Variants in DIP2C observed in about 807,000 individuals in gnomAD.
The protein encoded by DIP2C is disco-interacting protein 2 homolog C.
A neutral mutation model predicts 192.4 loss-of-function variants in DIP2C; 33 were observed. That is an observed-to-expected ratio of 0.17 (90% CI 0.13 to 0.23). The LOEUF (loss-of-function observed/expected upper bound fraction) is 0.23. DIP2C is among the 10% of genes least tolerant of loss of function. The probability of loss-of-function intolerance (pLI) is 1.00; values close to 1 mark genes in which losing one functional copy is unlikely to be tolerated. For synonymous variants in DIP2C, 979 were observed against 864.1 expected (o/e 1.13, Z -2.33); for missense variants, 1,537 against 2,110.1 (o/e 0.73, Z 5.32).
At chr10:504,950 C>A (rs1287413897) in intron 1 of DIP2C, among the ~76,000 whole-genome samples, 2 of 152,174 alleles carry the variant, frequency 1.3e-5, no homozygotes, top group Non-Finnish European at 2.9e-5. Context: ...CATATGAGCT[C>A]ATGTGACTCT....
intron 1 of DIP2C, among the ~76,000 whole-genome samples, chr10:619,171 A>G (rs1312979532): frequency 2.0e-5 from 3 of 152,192 alleles, no homozygotes; most frequent in Admixed American, 1.3e-4. Flanking sequence ...CCGTCCCCCT[A>G]ACGCCACTGT....
chr10:590,540 C>T (rs1029599782), intron 1 of DIP2C, among the ~76,000 whole-genome samples: 3 of 152,206 alleles, frequency 2.0e-5, no homozygotes, highest in African/African-American at 7.2e-5. Flanking sequence ...ATCAACGATG[C>T]AGGTGCCAGC....
At chr10:414,739 G>GTGTGTGTGTGTGTGTGTATATATA in intron 7 of DIP2C, among the ~76,000 whole-genome samples, 1 of 90,508 alleles carries the variant, frequency 1.1e-5, no homozygotes, top group Admixed American at 1.2e-4. Context: ...GTGTGTGTGT[G>GTGTGTGTGTGTGTGTGTATATATA]TACATATATA....
intron 1 of DIP2C, among the ~76,000 whole-genome samples, chr10:670,707 T>C (rs1588736631): frequency 6.6e-6 from 1 of 152,188 alleles, no homozygotes; most frequent in Non-Finnish European, 1.5e-5. Context: ...ATAACTTCCT[T>C]TCAAGGGTCT....
At chr10:353,784 G>T (rs1481939604) in intron 24 of DIP2C, among the ~76,000 whole-genome samples, 1 of 152,228 alleles carries the variant, frequency 6.6e-6, no homozygotes, top group Non-Finnish European at 1.5e-5. Flanking sequence ...TGGGGGGCTG[G>T]TGTACGTGCT....
At chr10:355,413 CA>C (rs1283402651) in intron 24 of DIP2C, among the ~76,000 whole-genome samples, 4 of 152,226 alleles carry the variant, frequency 2.6e-5, no homozygotes, top group African/African-American at 9.6e-5. Flanking sequence ...ATGCTGCTGG[CA>C]TTTCCTTTTG....
At chr10:339,059 C>CCA (rs1330341720) in intron 29 of DIP2C, among the ~76,000 whole-genome samples, 1 of 152,090 alleles carries the variant, frequency 6.6e-6, no homozygotes, top group Non-Finnish European at 1.5e-5. Flanking sequence ...GACACACTCC[C>CCA]CACCCTGCTA....
At chr10:615,672 G>A (rs562108893) in intron 1 of DIP2C, among the ~76,000 whole-genome samples, 37 of 151,918 alleles carry the variant, frequency 2.4e-4, no homozygotes, top group Non-Finnish European at 4.7e-4. Flanking sequence ...CTTCACCAGC[G>A]CATTTCACCG....
intron 18 of DIP2C, among the ~76,000 whole-genome samples, chr10:368,448 G>GAGGGCTGCAGGCAGAGGC (rs1271075504): frequency 6.6e-6 from 1 of 152,256 alleles, no homozygotes; most frequent in African/African-American, 2.4e-5. Flanking sequence ...ACAGGGGCTA[G>GAGGGCTGCAGGCAGAGGC]AGGGCTGCAG....
At chr10:511,091 A>C (rs1845983429) in intron 1 of DIP2C, among the ~76,000 whole-genome samples, 1 of 152,174 alleles carries the variant, frequency 6.6e-6, no homozygotes, top group Non-Finnish European at 1.5e-5. Context: ...CTCAATACAC[A>C]CAGCCGTTTC....
At chr10:497,744 A>C (rs560553677) in intron 1 of DIP2C, among the ~76,000 whole-genome samples, 229 of 152,352 alleles carry the variant, frequency 1.5e-3, no homozygotes, top group African/African-American at 5.2e-3. Context: ...CGCCATACAG[A>C]TGGGATGCAG....
chr10:415,809 T>C lies in DIP2C; in HGVS notation c.819A>G (p.Leu273=). Residue 273 remains leucine (L), a synonymous_variant, in exon 7 of 37, where the codon TTA becomes TTG. Transcript: ENST00000280886. ...NTLKRPKRPP[L]REFFVDDFEE... is the part of the protein sequence containing the mutation. ...CAAAGTCATCGACAAAGAATTCTCG[T>C]AAAGGTGGTCGTTTCGGTCGTTTGA... 2 of 1,614,010 alleles carry C rather than the reference T, an allele frequency of 1.2e-6. No individual in the cohort carries two copies. The highest frequency in any genetic ancestry group is 1.1e-5 in the South Asian group (1 of 91,064).
At chr10:323,485 C>T (rs1432302454) in intron 31 of DIP2C, among the ~76,000 whole-genome samples, 1 of 152,002 alleles carries the variant, frequency 6.6e-6, no homozygotes. Flanking sequence ...CGCAGTCAGT[C>T]TGAGAGCAGA....
rs1260693331 is a variant in DIP2C, at chr10:580,450, CATGT to C, written c.86-93924_86-93921del. Among the ~76,000 whole-genome samples, 25 of 152,108 alleles carry C rather than the reference CATGT, an allele frequency of 1.6e-4. 1 individual carries two copies. The highest frequency in any genetic ancestry group is 4.1e-4 in the African/African-American group (17 of 41,400). On this transcript the variant is annotated intron_variant, in intron 1 of 36. Coordinates refer to ENST00000280886, the MANE Select transcript of DIP2C (RefSeq NM_014974.3). ...GTACATATATGGCGTTAAATACATG[CATGT>C]ATGTACACATATGCAGTACAGATAC...
intron 1 of DIP2C, among the ~76,000 whole-genome samples, chr10:515,960 G>C (rs994967711): frequency 2.0e-5 from 3 of 152,028 alleles, no homozygotes; most frequent in Non-Finnish European, 2.9e-5. Context: ...TTTAGCTGCA[G>C]AAAGTGATGG....
intron 28 of DIP2C, among the ~76,000 whole-genome samples, chr10:343,455 C>A (rs1370474197): frequency 1.3e-5 from 2 of 152,220 alleles, no homozygotes; most frequent in Non-Finnish European, 2.9e-5. Context: ...AGGTGGGAGT[C>A]CTCCCACTGT....
At chr10:289,285 A>T (rs1368678138) in intron 32 of DIP2C, among the ~76,000 whole-genome samples, 2 of 150,636 alleles carry the variant, frequency 1.3e-5, no homozygotes, top group African/African-American at 4.9e-5. Context: ...TTTTTTTTTT[A>T]AAGAGACAGG....
Position 689,515 on chromosome 10 carries a change from G to A in DIP2C, c.64C>T (p.Leu22=). The change falls in exon 1 of 37, where the codon CTG becomes TTG. Residue 22 remains leucine (L), a synonymous_variant. Coordinates refer to ENST00000280886, the MANE Select transcript of DIP2C (RefSeq NM_014974.3). The surrounding 1 kb of genome is among the most constrained non-coding windows in gnomAD (Gnocchi z 6.1). ...PLEVRARLAE[L]ELELSEGDIT... is the part of the protein sequence containing the mutation. ...TTACCTTCCGACAGCTCCAGCTCCA[G>A]CTCGGCCAGGCGCGCCCGCACCTCC... The A allele has an allele frequency of 1.6e-6, 2 of 1,288,678 alleles. No individual in the cohort carries two copies. The highest frequency in any genetic ancestry group is 2.0e-6 in the Non-Finnish European group (2 of 998,870). 79.8% of individuals were successfully genotyped at this position (1,288,678 alleles called of 1,614,324 possible). A position where few individuals can be genotyped will look rare whatever the true frequency, so the allele number is the denominator to read the frequency against.
intron 10 of DIP2C, among the ~76,000 whole-genome samples, chr10:394,728 C>T (rs1309956863): frequency 2.0e-5 from 3 of 148,702 alleles, no homozygotes; most frequent in Non-Finnish European, 4.4e-5. Flanking sequence ...ACAGTGGGCG[C>T]TATTCAGCCT....
Sources: allele counts gnomAD v4.1 joint callset (sites outside exome capture counted in the v4.1 genomes callset), GRCh38; gene constraint gnomAD v4.1.1; non-coding constraint Gnocchi (gnomAD v3.1); transcripts MANE v1.5; gene names NCBI Gene and HGNC (gene_info 2026-07-23, HGNC 2026-07-21).